DIP2A: variants seen among roughly 807,000 people sequenced by gnomAD.
The protein encoded by DIP2A is disco-interacting protein 2 homolog A.
DIP2A carries 85 observed loss-of-function variants against 177.4 expected under a neutral mutation model. The observed-to-expected ratio is 0.48, with a 90% CI of 0.40 to 0.57. The LOEUF is 0.57. Ranked by LOEUF, DIP2A falls within the 20% of genes least tolerant of loss-of-function variation. The pLI is 0.00. For missense variants in DIP2A, 1,791 were observed against 2,100.2 expected, an observed-to-expected ratio of 0.85 and a Z score of 2.88; for synonymous variants, 886 against 881.8, an observed-to-expected ratio of 1.00 and a Z score of -0.08.
intron 13 of DIP2A, among the ~76,000 whole-genome samples, chr21:46,535,734 ACTTT>A (rs979049822): frequency 2.0e-5 from 3 of 152,174 alleles, no homozygotes; most frequent in African/African-American, 7.2e-5. Context: ...AAGCCCCGTG[ACTTT>A]CTTTGTCTTC....
intron 8 of DIP2A, among the ~76,000 whole-genome samples, chr21:46,523,736 C>G (rs1012552824): frequency 3.9e-5 from 6 of 152,128 alleles, no homozygotes; most frequent in Non-Finnish European, 8.8e-5. Flanking sequence ...TTTAACTGCT[C>G]GAGATAACCT....
Position 46,539,878 on chromosome 21 carries a change from G to A in DIP2A, c.1923G>A (p.Trp641Ter). ...MLIVADGANP[W>*]SISSCDAFLN... is the part of the protein sequence containing the mutation. ...TTCCACTCTTGTTGCTCTGTGCAGG[G>A]TCGATCTCCTCCTGTGACGCCTTCC... The change falls in exon 17 of 38, where the codon TGG (tryptophan) becomes TGA (stop). Residue 641 changes from tryptophan (W) to a stop codon, truncating the protein, a stop_gained and splice_region_variant. Transcript: ENST00000417564. LOFTEE classifies it high-confidence loss of function. 6.2e-7 allele frequency: 1 copy of A among 1,613,440 alleles called. No homozygotes were observed. Among genetic ancestry groups the A allele is most frequent in the Non-Finnish European group, 8.5e-7 (1 of 1,179,388 alleles).
intron 1 of DIP2A, among the ~76,000 whole-genome samples, chr21:46,483,010 T>C (rs2056451334): frequency 2.6e-5 from 4 of 152,156 alleles, no homozygotes; most frequent in Admixed American, 2.0e-4. Flanking sequence ...CTGAGCATGT[T>C]GGTGTGGGTG....
At chr21:46,547,107 TGCAGTAGATGGAAA>T (rs1226754209) in intron 21 of DIP2A, 65 bp downstream of exon 21, 1 of 1,577,976 alleles carries the variant, frequency 6.3e-7, no homozygotes, top group Non-Finnish European at 8.7e-7. Context: ...GAAGTCTTTG[TGCAGTAGATGGAAA>T]GCCCAGCAAA....
chr21:46,550,211 T>C, intron 22 of DIP2A: 1 of 738,276 alleles, frequency 1.4e-6, no homozygotes, highest in South Asian at 2.1e-5. Flanking sequence ...GTGCAATATA[T>C]CTCAAAGAAA....
At chr21:46,506,724 TTTTCTTTCTTTCTTTCTTTCTTTC>T (rs1555887429) in intron 6 of DIP2A, among the ~76,000 whole-genome samples, 1 of 78,882 alleles carries the variant, frequency 1.3e-5, no homozygotes, top group African/African-American at 4.7e-5. Context: ...TTGTGCTTGT[TTTTCTTTCTTTCTTTCTTTCTTTC>T]TTTCTTTCTT....
Position 46,484,855 on chromosome 21 carries a change from A to G in DIP2A, c.163+27A>G, listed in dbSNP as rs753592360. 5.9e-6 allele frequency: 9 copies of G among 1,521,128 alleles called. No individual in the cohort carries two copies. The Admixed American group carries it at 7.1e-5, about 12-fold the overall frequency. 94.2% of individuals were successfully genotyped at this position (1,521,128 alleles called of 1,614,324 possible). A position where few individuals can be genotyped will look rare whatever the true frequency, so the allele number is the denominator to read the frequency against. Reference sequence around the variant, plus strand: ...TAAGGTCAATACACTCAGGTGTTACATAGCAATTATATTGTTTCATAACAT... The same window carrying G: ...TAAGGTCAATACACTCAGGTGTTACGTAGCAATTATATTGTTTCATAACAT... On this transcript the variant is annotated intron_variant, in intron 2 of 37. Coordinates refer to ENST00000417564, the MANE Select transcript of DIP2A (RefSeq NM_015151.4).
In DIP2A at chr21:46,539,485, G is replaced by A. The variant is rs184558193; in HGVS notation, c.1922-392G>A. The stretch of plus-strand genomic sequence containing the variant: ...AGGTCTCTGCGTCTCCACCCCAGGC[G>A]CACCGCCACTCCGTGGTCCCCATGG... On this transcript the variant is annotated intron_variant, in intron 16 of 37. Coordinates refer to ENST00000417564, the MANE Select transcript of DIP2A (RefSeq NM_015151.4). 17 of 317,054 alleles carry A rather than the reference G, an allele frequency of 5.4e-5. No homozygotes were observed. In the East Asian group the frequency reaches 7.9e-4, roughly 15 times the overall value. 19.6% of individuals were successfully genotyped at this position (317,054 alleles called of 1,614,324 possible). A position where few individuals can be genotyped will look rare whatever the true frequency, so the allele number is the denominator to read the frequency against.
At chr21:46,520,789 A>G (rs539951615) in intron 8 of DIP2A, among the ~76,000 whole-genome samples, 1 of 152,354 alleles carries the variant, frequency 6.6e-6, no homozygotes, top group East Asian at 1.9e-4. Context: ...AACCAATAAC[A>G]TATTTATACA....
intron 1 of DIP2A, among the ~76,000 whole-genome samples, chr21:46,467,740 T>C (rs186763824): frequency 0.02 from 3,013 of 150,082 alleles, 44 homozygotes; most frequent in Non-Finnish European, 0.03. Context: ...CTTTAGGTTT[T>C]GTTTGTTTTT....
chr21:46,550,709 T>C lies in DIP2A; in HGVS notation c.2804T>C (p.Val935Ala), dbSNP rs1360410905. ...CNVLMCPHTCVTNLPKPRQKQ... is the reference protein window; with the variant it reads ...CNVLMCPHTCATNLPKPRQKQ... ...GTGCTGATGTGCCCTCACACCTGTGTTACCAACCTCCCCAAACCTCGTCAG... is the reference window on the plus strand; with the variant it reads ...GTGCTGATGTGCCCTCACACCTGTGCTACCAACCTCCCCAAACCTCGTCAG... The change falls in exon 23 of 38, where the codon GTT becomes GCT. Residue 935 changes from valine to alanine, a missense_variant. Coordinates refer to ENST00000417564, the MANE Select transcript of DIP2A (RefSeq NM_015151.4). The C allele has an allele frequency of 6.2e-7, 1 of 1,614,016 alleles. No homozygotes were observed. Among genetic ancestry groups the C allele is most frequent in the Admixed American group, 1.7e-5 (1 of 60,022 alleles).
chr21:46,545,543 C>T (rs948274466), intron 19 of DIP2A, among the ~76,000 whole-genome samples: 2 of 152,318 alleles, frequency 1.3e-5, no homozygotes, highest in East Asian at 1.9e-4. Flanking sequence ...TGTGTGGGTG[C>T]GGCCTGGTGG....
intron 35 of DIP2A, 88 bp from the exon 36 acceptor site, chr21:46,565,625 C>T: frequency 1.5e-6 from 2 of 1,337,668 alleles, no homozygotes; most frequent in Non-Finnish European, 2.0e-6. Flanking sequence ...TTTTCTGGAG[C>T]ATTATTCTTG....
At chr21:46,466,606 A>G (rs2054855299) in intron 1 of DIP2A, among the ~76,000 whole-genome samples, 3 of 151,776 alleles carry the variant, frequency 2.0e-5, no homozygotes, top group Admixed American at 1.3e-4. Context: ...TTGATCTCCT[A>G]AAGTGCTGGG....
intron 13 of DIP2A, among the ~76,000 whole-genome samples, chr21:46,535,176 T>TC: frequency 6.6e-6 from 1 of 152,206 alleles, no homozygotes; most frequent in Non-Finnish European, 1.5e-5. Flanking sequence ...AGTAGAATCT[T>TC]TATGGTTATA....
At chr21:46,548,521 A>C (rs1235745727) in intron 21 of DIP2A, among the ~76,000 whole-genome samples, 1 of 152,238 alleles carries the variant, frequency 6.6e-6, no homozygotes, top group African/African-American at 2.4e-5. Context: ...AAGATTTGCA[A>C]CATGAACTAA....
At chr21:46,531,935 C>G (rs543071843) in intron 9 of DIP2A, among the ~76,000 whole-genome samples, 192 bp from the exon 10 acceptor site, 2 of 152,104 alleles carry the variant, frequency 1.3e-5, no homozygotes, top group Non-Finnish European at 2.9e-5. Context: ...TTCATTGTTG[C>G]GTGTTCTCAA....
chr21:46,500,921 G>T (rs868101899), intron 5 of DIP2A, among the ~76,000 whole-genome samples: 31 of 152,236 alleles, frequency 2.0e-4, no homozygotes, highest in African/African-American at 7.2e-4. Context: ...TTCCTTTCTT[G>T]TTAGTCCTAG....
At position 46,523,928 on chromosome 21, in the gene DIP2A, G is replaced by C. The variant is rs535491866; in HGVS notation, c.1103-5164G>C. ...AGATGGAAAAGAGAAAGGGAGAAAAGCATTGCCTATGGCAGTATGGGGAAG... is the reference window on the plus strand; with the variant it reads ...AGATGGAAAAGAGAAAGGGAGAAAACCATTGCCTATGGCAGTATGGGGAAG... On this transcript the variant is annotated intron_variant, in intron 8 of 37. Transcript: ENST00000417564. 2.0e-5 allele frequency among the ~76,000 whole-genome samples: 3 copies of C among 152,356 alleles called. No homozygotes were observed. In the South Asian group the frequency reaches 6.2e-4, roughly 32 times the overall value.
Sources: allele counts gnomAD v4.1 joint callset (sites outside exome capture counted in the v4.1 genomes callset), GRCh38; gene constraint gnomAD v4.1.1; transcripts MANE v1.5; gene names NCBI Gene and HGNC (gene_info 2026-07-23, HGNC 2026-07-21).